The following GPHN variants were observed in gnomAD, a reference collection of about 807,000 sequenced individuals.
The protein encoded by GPHN is gephyrin.
A neutral mutation model predicts 95.5 loss-of-function variants in GPHN; 17 were observed. The ratio of observed to expected loss-of-function variants is 0.18; its 90% CI spans 0.12 to 0.27. GPHN has a LOEUF of 0.27. Ranked by LOEUF, GPHN falls within the 10% of genes least tolerant of loss-of-function variation. The probability of loss-of-function intolerance (pLI) is 1.00; values close to 1 mark genes in which losing one functional copy is unlikely to be tolerated. For missense variants in GPHN, 660 were observed against 978.1 expected, an observed-to-expected ratio of 0.67 and a Z score of 4.34; for synonymous variants, 320 against 322.5, an observed-to-expected ratio of 0.99 and a Z score of 0.08.
intron 1 of GPHN, among the ~76,000 whole-genome samples, chr14:66,634,496 G>A (rs12323903): frequency 0.31 from 47,219 of 151,984 alleles, 11,202 homozygotes; most frequent in African/African-American, 0.64. Context: ...TAGGTGTCAC[G>A]TGGGGGCACC....
intron 3 of GPHN, among the ~76,000 whole-genome samples, chr14:66,811,301 G>A (rs976878477): frequency 2.0e-5 from 3 of 151,686 alleles, no homozygotes; most frequent in African/African-American, 4.8e-5. Flanking sequence ...AAAATAAAAC[G>A]TAAAAAAAGA....
chr14:67,490,713 C>T, the GPHN span, among the ~76,000 whole-genome samples: 1 of 152,170 alleles, frequency 6.6e-6, no homozygotes, highest in East Asian at 1.9e-4. Context: ...TCATCATCTC[C>T]TTGGCCTGGA....
At chr14:66,862,731 T>A (rs1353733282) in intron 4 of GPHN, among the ~76,000 whole-genome samples, 1 of 152,120 alleles carries the variant, frequency 6.6e-6, no homozygotes, top group Non-Finnish European at 1.5e-5. Flanking sequence ...AACTATATGA[T>A]CATTTTACTT....
At chr14:66,813,577 G>A (rs1447478614) in intron 3 of GPHN, among the ~76,000 whole-genome samples, 2 of 152,208 alleles carry the variant, frequency 1.3e-5, no homozygotes, top group Non-Finnish European at 2.9e-5. Flanking sequence ...CCACAGACAC[G>A]TGAGGTGGCA....
At chr14:66,535,214 G>T (rs2059097413) in intron 1 of GPHN, among the ~76,000 whole-genome samples, 1 of 151,852 alleles carries the variant, frequency 6.6e-6, no homozygotes, top group Non-Finnish European at 1.5e-5. Context: ...ATATTCAATT[G>T]ATTTGGCCCC....
chr14:67,560,165 T>C, the GPHN span, among the ~76,000 whole-genome samples: 1 of 152,050 alleles, frequency 6.6e-6, no homozygotes, highest in East Asian at 1.9e-4. Flanking sequence ...GTAGCTGGGG[T>C]TACAGGCACG....
At chr14:67,500,266 G>T in the GPHN span, among the ~76,000 whole-genome samples, 1 of 152,098 alleles carries the variant, frequency 6.6e-6, no homozygotes, top group African/African-American at 2.4e-5. Flanking sequence ...ACGAGATCAG[G>T]AGTTCAAGAC....
chr14:67,355,449 CAAAAAAAA>C, the GPHN span, among the ~76,000 whole-genome samples: 22 of 18,954 alleles, frequency 1.2e-3, no homozygotes, highest in South Asian at 0.017. Context: ...GACCCTGTCT[CAAAAAAAA>C]AAAAAAAAAA....
chr14:67,195,713 T>TGTG, the GPHN span, among the ~76,000 whole-genome samples: 2 of 143,232 alleles, frequency 1.4e-5, no homozygotes, highest in African/African-American at 5.1e-5. Flanking sequence ...TTCTTTTTGG[T>TGTG]TGTGTGTGTG....
chr14:67,349,139 T>C, the GPHN span: 3 of 1,596,020 alleles, frequency 1.9e-6, no homozygotes, highest in Non-Finnish European at 2.6e-6. Flanking sequence ...TTTAGCAGAC[T>C]CTTCAGAAAT....
At chr14:67,352,673 A>C in the GPHN span, 2 of 343,530 alleles carry the variant, frequency 5.8e-6, no homozygotes, top group South Asian at 9.5e-5. Flanking sequence ...CCTTAGGAAG[A>C]ATGCTCTAAA....
chr14:67,617,668 G>A, the GPHN span, among the ~76,000 whole-genome samples: 1 of 152,240 alleles, frequency 6.6e-6, no homozygotes, highest in Non-Finnish European at 1.5e-5. Flanking sequence ...ACTTTGGAAA[G>A]GTCGGTCTGG....
At chr14:66,840,972 TAG>T (rs1491141554) in intron 4 of GPHN, among the ~76,000 whole-genome samples, 1 of 2,460 alleles carries the variant, frequency 4.1e-4, no homozygotes, top group Non-Finnish European at 1.1e-3. Context: ...GCCTACTAGA[TAG>T]ATATAGATAT....
chr14:67,016,006 G>A (rs1484935648), intron 9 of GPHN, among the ~76,000 whole-genome samples: 1 of 151,864 alleles, frequency 6.6e-6, no homozygotes, highest in African/African-American at 2.4e-5. Flanking sequence ...TCTATTAAAT[G>A]GGCACTTGTT....
the GPHN span, chr14:67,397,895 G>A: frequency 1.5e-6 from 2 of 1,312,776 alleles, no homozygotes; most frequent in South Asian, 1.5e-5. Context: ...GGGAGGGGGT[G>A]TCTGGTGGCA....
chr14:67,323,513 G>A, the GPHN span, among the ~76,000 whole-genome samples: 1 of 151,562 alleles, frequency 6.6e-6, no homozygotes, highest in Non-Finnish European at 1.5e-5. Context: ...TACTGGGGAT[G>A]CTGAGATGAG....
At chr14:67,523,483 A>G in the GPHN span, among the ~76,000 whole-genome samples, 1 of 152,352 alleles carries the variant, frequency 6.6e-6, no homozygotes, top group African/African-American at 2.4e-5. Context: ...GTAGCAAAGA[A>G]TGAAACCTAG....
intron 11 of GPHN, among the ~76,000 whole-genome samples, chr14:67,071,849 C>G (rs2076325236): frequency 6.6e-6 from 1 of 151,430 alleles, no homozygotes; most frequent in Non-Finnish European, 1.5e-5. Flanking sequence ...TTGAAAAAAG[C>G]ACATTACAAA....
chr14:66,952,435 G>C (rs1183055132), intron 8 of GPHN, among the ~76,000 whole-genome samples: 1 of 152,144 alleles, frequency 6.6e-6, no homozygotes, highest in Non-Finnish European at 1.5e-5. Context: ...TTTATTAGCT[G>C]ATGGTCATTT....
Sources: allele counts gnomAD v4.1 joint callset (sites outside exome capture counted in the v4.1 genomes callset), GRCh38; gene constraint gnomAD v4.1.1; transcripts MANE v1.5; gene names NCBI Gene and HGNC (gene_info 2026-07-23, HGNC 2026-07-21).